The following RUNDC3B variants were observed in gnomAD, a reference collection of about 807,000 sequenced individuals.
The protein encoded by RUNDC3B is RUN domain-containing protein 3B.
Under a neutral mutation model 58.4 loss-of-function variants are expected in RUNDC3B, and 33 were observed. The ratio of observed to expected loss-of-function variants is 0.56; its 90% CI spans 0.43 to 0.75. The LOEUF (loss-of-function observed/expected upper bound fraction) is 0.75. RUNDC3B is among the 30% of genes least tolerant of loss of function. RUNDC3B has a pLI of 0.00. For missense variants in RUNDC3B, 501 were observed against 535.7 expected (o/e 0.94, Z 0.64); for synonymous variants, 193 against 195.2 (o/e 0.99, Z 0.10).
intron 1 of RUNDC3B, among the ~76,000 whole-genome samples, chr7:87,631,564 G>A (rs1821225749): frequency 6.6e-6 from 1 of 152,044 alleles, no homozygotes; most frequent in South Asian, 2.1e-4. Context: ...CTAATTTTTT[G>A]TGTTTTGTTT....
At chr7:87,766,849 T>C (rs1834002920) in intron 6 of RUNDC3B, among the ~76,000 whole-genome samples, 2 of 152,156 alleles carry the variant, frequency 1.3e-5, no homozygotes, top group Admixed American at 6.5e-5. Flanking sequence ...CCAAACATTT[T>C]ACTTTTTCAT....
rs1005881486 is a variant in RUNDC3B, at chr7:87,832,076, G to A, written c.*2046G>A. On this transcript the variant is annotated 3_prime_UTR_variant, in exon 11 of 11. Transcript: ENST00000394654. ...AAATTCATCTGCTGTTATAAAATCA[G>A]GTTTCTACAGAGTTCGTTTCACACT... is the stretch of plus-strand genomic sequence containing the variant. 1.3e-5 allele frequency: 2 copies of A among 151,734 alleles called. No homozygotes were observed. The highest frequency in any genetic ancestry group is 4.8e-5 in the African/African-American group (2 of 41,336). The allele number at this position is 151,734 out of a possible 1,614,324, so 9.4% of individuals were successfully genotyped here. A position where few individuals can be genotyped will look rare whatever the true frequency, so the allele number is the denominator to read the frequency against.
At chr7:87,747,383 G>C (rs1412079525) in intron 6 of RUNDC3B, among the ~76,000 whole-genome samples, 3 of 152,270 alleles carry the variant, frequency 2.0e-5, no homozygotes, top group Middle Eastern at 3.4e-3. Context: ...AGGTAGCAGG[G>C]GGGTGAGGGG....
Position 87,700,347 on chromosome 7 carries a change from T to G in RUNDC3B, c.239-74T>G, listed in dbSNP as rs893443681. 3.1e-6 allele frequency: 4 copies of G among 1,276,628 alleles called. No homozygotes were observed. The African/African-American group carries it at 6.0e-5, about 19-fold the overall frequency. 79.1% of individuals were successfully genotyped at this position (1,276,628 alleles called of 1,614,324 possible). A position where few individuals can be genotyped will look rare whatever the true frequency, so the allele number is the denominator to read the frequency against. On this transcript the variant is annotated intron_variant, in intron 2 of 10. Coordinates refer to ENST00000394654, the MANE Select transcript of RUNDC3B (RefSeq NM_001134405.2). ...TATATTACCTTTATTTTTCAGAATT[T>G]TATTGTTCTTGCATTTTCAAGTCTA...
chr7:87,796,803 G>C (rs1179279397), intron 8 of RUNDC3B, among the ~76,000 whole-genome samples: 1 of 152,158 alleles, frequency 6.6e-6, no homozygotes, highest in Non-Finnish European at 1.5e-5. Flanking sequence ...AGGGAGTCCT[G>C]CAAGGTAAAA....
At chr7:87,636,819 T>C (rs1368609008) in intron 1 of RUNDC3B, among the ~76,000 whole-genome samples, 3 of 152,216 alleles carry the variant, frequency 2.0e-5, no homozygotes, top group Non-Finnish European at 4.4e-5. Context: ...TCTGTTCTCA[T>C]GCTGCTATGA....
At chr7:87,734,392 A>C (rs1831793489) in intron 4 of RUNDC3B, among the ~76,000 whole-genome samples, 1 of 152,190 alleles carries the variant, frequency 6.6e-6, no homozygotes, top group Non-Finnish European at 1.5e-5. Context: ...AAACCTGCTA[A>C]GCTTAGCAAA....
At chr7:87,724,348 T>C (rs1335031744) in intron 4 of RUNDC3B, among the ~76,000 whole-genome samples, 1 of 152,180 alleles carries the variant, frequency 6.6e-6, no homozygotes, top group Non-Finnish European at 1.5e-5. Context: ...GTGTATTTTA[T>C]AGAAAAACAT....
chr7:87,741,356 C>T lies in RUNDC3B; in HGVS notation c.549-143C>T, dbSNP rs1584065366. On this transcript the variant is annotated intron_variant, in intron 5 of 10. Transcript: ENST00000394654. ...ATTTTATTCAGGCGTTTATTTCTGA[C>T]AAGTAACAATTAAATTGCAAACAAA... 5.0e-5 allele frequency: 26 copies of T among 517,768 alleles called. No homozygotes were observed. The East Asian group carries it at 8.1e-4, about 16-fold the overall frequency. The allele number at this position is 517,768 out of a possible 1,614,324, so 32.1% of individuals were successfully genotyped here.
At chr7:87,693,325 T>C (rs1371425052) in intron 2 of RUNDC3B, among the ~76,000 whole-genome samples, 1 of 152,202 alleles carries the variant, frequency 6.6e-6, no homozygotes, top group Non-Finnish European at 1.5e-5. Flanking sequence ...ATATAATATC[T>C]AAGTGCTGCT....
chr7:87,744,190 T>A (rs1250721542), intron 6 of RUNDC3B, among the ~76,000 whole-genome samples: 1 of 152,220 alleles, frequency 6.6e-6, no homozygotes, highest in Non-Finnish European at 1.5e-5. Flanking sequence ...TTAATACCAG[T>A]ACCACACTGT....
At chr7:87,776,633 C>T (rs1310237685) in intron 7 of RUNDC3B, among the ~76,000 whole-genome samples, 5 of 151,520 alleles carry the variant, frequency 3.3e-5, no homozygotes, top group Non-Finnish European at 7.4e-5. Context: ...TGTGAGTATT[C>T]TTTAATTACT....
chr7:87,643,164 T>G (rs1056175158), intron 1 of RUNDC3B, among the ~76,000 whole-genome samples: 2 of 152,192 alleles, frequency 1.3e-5, no homozygotes, highest in Non-Finnish European at 2.9e-5. Context: ...GCTTCAGCTT[T>G]GCAAAGTGTT....
intron 4 of RUNDC3B, among the ~76,000 whole-genome samples, chr7:87,736,854 C>CATAT (rs1831968992): frequency 1.8e-5 from 1 of 55,576 alleles, no homozygotes; most frequent in Non-Finnish European, 3.2e-5. Context: ...TATATATATA[C>CATAT]CTATATATAT....
At chr7:87,702,142 CAAAA>C (rs146127516) in intron 3 of RUNDC3B, among the ~76,000 whole-genome samples, 702 of 16,342 alleles carry the variant, frequency 0.043, 1 homozygote, top group African/African-American at 0.12. Context: ...GACTCTGTCT[CAAAA>C]AAAAAAAAAA....
chr7:87,764,889 G>A (rs1455138780), intron 6 of RUNDC3B, among the ~76,000 whole-genome samples: 1 of 151,788 alleles, frequency 6.6e-6, no homozygotes, highest in African/African-American at 2.4e-5. Flanking sequence ...TTGATACAAC[G>A]ATTAATTTTC....
At chr7:87,779,029 T>C (rs1265105360) in intron 8 of RUNDC3B, among the ~76,000 whole-genome samples, 2 of 152,186 alleles carry the variant, frequency 1.3e-5, no homozygotes, top group Non-Finnish European at 2.9e-5. Context: ...TAAACACACA[T>C]ACATTTTTTA....
chr7:87,664,054 T>C (rs1232359129), intron 2 of RUNDC3B, among the ~76,000 whole-genome samples: 1 of 152,204 alleles, frequency 6.6e-6, no homozygotes, highest in Non-Finnish European at 1.5e-5. Context: ...ATTCATTTCA[T>C]ACAGCATTTA....
chr7:87,707,828 T>C (rs1829744936), intron 3 of RUNDC3B, among the ~76,000 whole-genome samples: 2 of 152,184 alleles, frequency 1.3e-5, no homozygotes, highest in African/African-American at 4.8e-5. Flanking sequence ...GTGTAAAGTA[T>C]GTTCTCTAAC....
Sources: gnomAD v4.1 joint callset for allele counts (sites outside exome capture counted in the v4.1 genomes callset) on GRCh38, gnomAD v4.1.1 for gene constraint, MANE v1.5 for transcripts, NCBI Gene and HGNC (gene_info 2026-07-23, HGNC 2026-07-21) for gene names.